PTPRN2: variants seen among roughly 807,000 people sequenced by gnomAD.
PTPRN2 encodes the protein receptor-type tyrosine-protein phosphatase N2.
In PTPRN2, 74 loss-of-function variants were observed where a neutral mutation model predicts 118.8. That is an observed-to-expected ratio of 0.62 (90% CI 0.52 to 0.76). The LOEUF (loss-of-function observed/expected upper bound fraction) is 0.76. Among genes scored for constraint, PTPRN2 ranks in the 30% least tolerant of loss-of-function variants. The probability of loss-of-function intolerance (pLI) is 0.00; values close to 1 mark genes in which losing one functional copy is unlikely to be tolerated. For missense variants in PTPRN2, 1,481 were observed against 1,394.4 expected (o/e 1.06, Z -0.99); for synonymous variants, 641 against 608.0 (o/e 1.05, Z -0.80).
At chr7:158,084,160 G>A (rs1013403584) in intron 10 of PTPRN2, among the ~76,000 whole-genome samples, 3 of 152,198 alleles carry the variant, frequency 2.0e-5, no homozygotes, top group African/African-American at 7.2e-5. Context: ...GCAGTAAACA[G>A]GGGCAACACT....
chr7:157,981,938 G>A (rs1172722871), intron 11 of PTPRN2, among the ~76,000 whole-genome samples: 2 of 151,972 alleles, frequency 1.3e-5, no homozygotes, highest in South Asian at 2.1e-4. Flanking sequence ...CCAAACCCCT[G>A]AGTCATAAAG....
intron 9 of PTPRN2, among the ~76,000 whole-genome samples, chr7:158,132,264 C>T (rs532168324): frequency 2.2e-4 from 34 of 151,868 alleles, no homozygotes; most frequent in African/African-American, 8.2e-4. Flanking sequence ...GACATACACA[C>T]TCATACACAC....
chr7:157,890,802 G>C (rs1013585627), intron 12 of PTPRN2, among the ~76,000 whole-genome samples: 1 of 152,178 alleles, frequency 6.6e-6, no homozygotes, highest in African/African-American at 2.4e-5. Flanking sequence ...TTTGCAAGTG[G>C]TCTGCTTGCC....
chr7:157,913,654 TTC>T (rs921532401), intron 11 of PTPRN2, among the ~76,000 whole-genome samples: 2 of 152,256 alleles, frequency 1.3e-5, no homozygotes, highest in Non-Finnish European at 2.9e-5. Flanking sequence ...AATAATTTTT[TTC>T]TCTTTTCATT....
At position 158,120,076 on chromosome 7, in the gene PTPRN2, T is replaced by C. The variant is rs116603452; in HGVS notation, c.1557-9161A>G. 4.2e-3 allele frequency among the ~76,000 whole-genome samples: 640 copies of C among 152,306 alleles called. 6 individuals carry two copies. Among genetic ancestry groups the C allele is most frequent in the African/African-American group, 0.014 (563 of 41,576 alleles). On this transcript the variant is annotated intron_variant, in intron 9 of 22. Coordinates refer to ENST00000389418, the MANE Select transcript of PTPRN2 (RefSeq NM_002847.5). ...AACAGGGATGAACCCTGAAACATGA[T>C]GGTAACTGAAATAACCTGGGCATAA... is the stretch of plus-strand genomic sequence containing the variant.
At chr7:157,712,856 G>A (rs1707288840) in intron 12 of PTPRN2, among the ~76,000 whole-genome samples, 1 of 152,170 alleles carries the variant, frequency 6.6e-6, no homozygotes, top group Non-Finnish European at 1.5e-5. Context: ...GCCACAAGCC[G>A]AGGGACACTG....
At chr7:157,575,324 T>A (rs1799973194) in intron 19 of PTPRN2, among the ~76,000 whole-genome samples, 1 of 152,200 alleles carries the variant, frequency 6.6e-6, no homozygotes, top group African/African-American at 2.4e-5. Flanking sequence ...AGAATGTACA[T>A]AATGGCCAGG....
intron 1 of PTPRN2, among the ~76,000 whole-genome samples, chr7:158,506,543 T>C (rs992919471): frequency 6.6e-6 from 1 of 151,864 alleles, no homozygotes; most frequent in African/African-American, 2.4e-5. Flanking sequence ...CCACACTTCA[T>C]TTATTTTGCT....
chr7:158,557,467 G>A (rs897460217), intron 1 of PTPRN2, among the ~76,000 whole-genome samples: 1 of 152,258 alleles, frequency 6.6e-6, no homozygotes, highest in African/African-American at 2.4e-5. Flanking sequence ...TCCCCAACCT[G>A]GTGCCATGGT....
intron 12 of PTPRN2, among the ~76,000 whole-genome samples, chr7:157,837,317 G>A (rs1044397933): frequency 8.9e-5 from 9 of 101,000 alleles, no homozygotes; most frequent in East Asian, 2.8e-4. Context: ...CCATCGACAC[G>A]TCCCTCCATC....
intron 11 of PTPRN2, among the ~76,000 whole-genome samples, chr7:158,011,232 A>T (rs1029451243): frequency 6.6e-6 from 1 of 152,272 alleles, no homozygotes; most frequent in Non-Finnish European, 1.5e-5. Flanking sequence ...AGTTTTTCAC[A>T]TCAGCCCGTC....
At chr7:157,680,960 C>T (rs1796888576) in intron 13 of PTPRN2, among the ~76,000 whole-genome samples, 1 of 152,146 alleles carries the variant, frequency 6.6e-6, no homozygotes, top group Non-Finnish European at 1.5e-5. Context: ...AAAGGTCACT[C>T]CAAGAAATTC....
In PTPRN2 at chr7:157,674,033, C is replaced by T. The variant is rs1262126866; in HGVS notation, c.2001+8692G>A. Among the ~76,000 whole-genome samples the T allele has an allele frequency of 6.6e-6, 1 of 152,182 alleles. No homozygotes were observed. The highest frequency in any genetic ancestry group is 2.4e-5 in the African/African-American group (1 of 41,432). Reference sequence around the variant, plus strand: ...CTGGGTCAGCTCCAAGTTCAGCTATCCCGAGGTTCCAAGGCTGTCTGCCCA... The same window carrying T: ...CTGGGTCAGCTCCAAGTTCAGCTATTCCGAGGTTCCAAGGCTGTCTGCCCA... On this transcript the variant is annotated intron_variant, in intron 13 of 22. Coordinates refer to ENST00000389418, the MANE Select transcript of PTPRN2 (RefSeq NM_002847.5). This position sits in a 1 kb window ranked among gnomAD's most constrained non-coding sequence, Gnocchi z 4.5.
At chr7:158,480,329 G>A (rs1820565474) in intron 2 of PTPRN2, among the ~76,000 whole-genome samples, 1 of 152,144 alleles carries the variant, frequency 6.6e-6, no homozygotes, top group South Asian at 2.1e-4. Context: ...CGTGCCCATA[G>A]AAGACAGTGA....
chr7:158,166,782 C>A, intron 6 of PTPRN2, 149 bp downstream of exon 6: 1 of 1,093,314 alleles, frequency 9.1e-7, no homozygotes, highest in Non-Finnish European at 1.2e-6. Context: ...GGGACCCTTC[C>A]CTACATGGTG....
intron 2 of PTPRN2, among the ~76,000 whole-genome samples, chr7:158,341,419 A>G (rs1395081368): frequency 6.7e-5 from 10 of 148,972 alleles, no homozygotes; most frequent in African/African-American, 2.5e-4. Flanking sequence ...CGCAGAGGTC[A>G]CTCACACCCA....
At chr7:157,843,885 ACAACTGGAG>A (rs1217365821) in intron 12 of PTPRN2, among the ~76,000 whole-genome samples, 22 of 152,196 alleles carry the variant, frequency 1.4e-4, no homozygotes, top group Admixed American at 1.4e-3. Flanking sequence ...TTCCTTCCAG[ACAACTGGAG>A]CAAACAGGGC....
At chr7:157,924,141 T>C (rs1798838285) in intron 11 of PTPRN2, among the ~76,000 whole-genome samples, 1 of 152,108 alleles carries the variant, frequency 6.6e-6, no homozygotes, top group Non-Finnish European at 1.5e-5. Context: ...GGTGGGGCCA[T>C]CACATCCATG....
In PTPRN2 at chr7:157,886,265, C is replaced by T. The variant is rs368342386; in HGVS notation, c.1788+12408G>A. Among the ~76,000 whole-genome samples the T allele has an allele frequency of 7.2e-5, 11 of 152,284 alleles. No individual in the cohort carries two copies. The East Asian group carries it at 7.7e-4, about 11-fold the overall frequency. On this transcript the variant is annotated intron_variant, in intron 12 of 22. Coordinates refer to ENST00000389418, the MANE Select transcript of PTPRN2 (RefSeq NM_002847.5). ...TCCGTTTCTTCAGCGGGAGACATCA[C>T]CAAGTCCCCACCTCAGACAATAAGC...
Sources: allele counts gnomAD v4.1 joint callset (sites outside exome capture counted in the v4.1 genomes callset), GRCh38; gene constraint gnomAD v4.1.1; non-coding constraint Gnocchi (gnomAD v3.1); transcripts MANE v1.5; gene names NCBI Gene and HGNC (gene_info 2026-07-23, HGNC 2026-07-21).